Variants in DHRSX observed in about 807,000 individuals in gnomAD.
DHRSX encodes dehydrogenase/reductase X-linked, also known as polyprenol dehydrogenase.
DHRSX carries 31 observed loss-of-function variants against 34.0 expected under a neutral mutation model. The ratio of observed to expected loss-of-function variants is 0.91; its 90% CI spans 0.69 to 1.23. The LOEUF (loss-of-function observed/expected upper bound fraction) is 1.23, where lower values mean the gene tolerates loss of function less well. Ranked by LOEUF, DHRSX falls within the 50% of genes most tolerant of loss-of-function variation. The pLI, the probability that DHRSX is intolerant of heterozygous loss-of-function variation, is 0.00. For missense variants in DHRSX, 414 were observed against 428.1 expected (o/e 0.97, Z 0.29); for synonymous variants, 201 against 183.8 (o/e 1.09, Z -0.76).
intron 3 of DHRSX, among the ~76,000 whole-genome samples, chrX:2,299,340 T>C (rs2041983795): frequency 6.6e-6 from 1 of 152,124 alleles, no homozygotes; most frequent in Non-Finnish European, 1.5e-5. Flanking sequence ...GACAGTATCA[T>C]ATGAAGACAG....
chrX:2,246,334 A>G (rs1293873489), intron 5 of DHRSX, among the ~76,000 whole-genome samples: 2 of 152,044 alleles, frequency 1.3e-5, no homozygotes, highest in Non-Finnish European at 2.9e-5. Flanking sequence ...TAAGAATACA[A>G]TATTGAGGGC....
intron 2 of DHRSX, among the ~76,000 whole-genome samples, chrX:2,418,304 C>T (rs189504076): frequency 2.0e-4 from 30 of 152,158 alleles, no homozygotes; most frequent in East Asian, 1.4e-3. Flanking sequence ...CCAAAGGAGA[C>T]GTTATCATGA....
intron 4 of DHRSX, among the ~76,000 whole-genome samples, chrX:2,268,460 G>A (rs759427825): frequency 6.6e-6 from 1 of 152,330 alleles, no homozygotes; most frequent in South Asian, 2.1e-4. Context: ...ATACGCATTT[G>A]TAAATGTGTT....
intron 6 of DHRSX, among the ~76,000 whole-genome samples, chrX:2,237,603 C>G (rs1213774063): frequency 6.6e-6 from 1 of 151,720 alleles, no homozygotes; most frequent in Non-Finnish European, 1.5e-5. Flanking sequence ...CCCCCGGGTT[C>G]AAGCGATTCT....
chrX:2,244,932 G>A (rs1179151557), intron 5 of DHRSX, among the ~76,000 whole-genome samples: 3 of 151,840 alleles, frequency 2.0e-5, no homozygotes, highest in Admixed American at 6.6e-5. Flanking sequence ...GGATGGTCTC[G>A]ATCTCCTGAC....
chrX:2,285,585 G>A (rs2041795103), intron 4 of DHRSX, among the ~76,000 whole-genome samples: 2 of 152,146 alleles, frequency 1.3e-5, no homozygotes, highest in Non-Finnish European at 2.9e-5. Context: ...ACCTTCTGCT[G>A]TGCGGCCGGT....
At chrX:2,245,574 T>C (rs2016258025) in intron 5 of DHRSX, among the ~76,000 whole-genome samples, 1 of 149,870 alleles carries the variant, frequency 6.7e-6, no homozygotes, top group Admixed American at 6.7e-5. Context: ...CCTCCCAAAG[T>C]GCTGGGATTA....
intron 1 of DHRSX, among the ~76,000 whole-genome samples, chrX:2,429,047 G>A (rs2317173): frequency 0.54 from 81,483 of 151,838 alleles, 22,768 homozygotes; most frequent in East Asian, 0.93. Flanking sequence ...TCGATGAAAA[G>A]GTATGTTCAC....
intron 3 of DHRSX, among the ~76,000 whole-genome samples, chrX:2,365,142 A>G (rs770555174): frequency 6.6e-6 from 1 of 152,350 alleles, no homozygotes; most frequent in Non-Finnish European, 1.5e-5. Context: ...AAAAGAAACT[A>G]TCATCAGAGC....
chrX:2,337,024 T>C (rs1463002909), intron 3 of DHRSX, among the ~76,000 whole-genome samples: 1 of 152,096 alleles, frequency 6.6e-6, no homozygotes, highest in Non-Finnish European at 1.5e-5. Flanking sequence ...CAGGCTGGTC[T>C]TGAACTCCTG....
At chrX:2,291,702 A>C in intron 3 of DHRSX, 99 bp from the exon 4 acceptor site, 1 of 843,780 alleles carries the variant, frequency 1.2e-6, no homozygotes, top group Non-Finnish European at 1.9e-6. Flanking sequence ...TCATCTAGGA[A>C]GTAACACTTT....
intron 1 of DHRSX, among the ~76,000 whole-genome samples, chrX:2,434,453 G>A (rs1468007626): frequency 6.6e-6 from 1 of 152,138 alleles, no homozygotes; most frequent in African/African-American, 2.4e-5. Context: ...AGGATCAGCG[G>A]AGGCTAGGAG....
chrX:2,396,458 A>T (rs2043412295), intron 3 of DHRSX, among the ~76,000 whole-genome samples: 1 of 143,250 alleles, frequency 7.0e-6, no homozygotes, highest in South Asian at 2.2e-4. Flanking sequence ...GCTCACTGCA[A>T]CCTCAGCCTC....
chrX:2,244,389 T>C (rs1406348934), intron 5 of DHRSX, among the ~76,000 whole-genome samples: 1 of 152,144 alleles, frequency 6.6e-6, no homozygotes, highest in Non-Finnish European at 1.5e-5. Flanking sequence ...ATGTTCTACT[T>C]TTTCTATGTA....
intron 4 of DHRSX, among the ~76,000 whole-genome samples, chrX:2,267,863 T>C (rs1265445510): frequency 6.6e-6 from 1 of 151,714 alleles, no homozygotes; most frequent in Non-Finnish European, 1.5e-5. Context: ...GGGAGGATTG[T>C]TTGAGCCCAA....
At chrX:2,283,657 G>A (rs757327234) in intron 4 of DHRSX, among the ~76,000 whole-genome samples, 1 of 152,234 alleles carries the variant, frequency 6.6e-6, no homozygotes, top group African/African-American at 2.4e-5. Context: ...GCACACCTGG[G>A]CTTCCCCGAA....
At chrX:2,469,169 G>A (rs1489522813) in intron 1 of DHRSX, among the ~76,000 whole-genome samples, 5 of 151,842 alleles carry the variant, frequency 3.3e-5, no homozygotes, top group South Asian at 2.1e-4. Flanking sequence ...CACCGAAGAC[G>A]TTCCCTAAGA....
chrX:2,327,308 A>T lies in DHRSX; in HGVS notation c.287-35705T>A, dbSNP rs1298468216. On this transcript the variant is annotated intron_variant, in intron 3 of 6. Coordinates refer to ENST00000334651, the MANE Select transcript of DHRSX (RefSeq NM_145177.3). ...TACTGAAGCAAGTAAGGGAAGCCTG[A>T]CTGTGGACATGCTCTCTGTCTCTTA... is the stretch of plus-strand genomic sequence containing the variant. Among the ~76,000 whole-genome samples, 3 of 152,328 alleles carry T rather than the reference A, an allele frequency of 2.0e-5. No individual in the cohort carries two copies. The East Asian group carries it at 5.8e-4, about 29-fold the overall frequency.
intron 3 of DHRSX, among the ~76,000 whole-genome samples, chrX:2,381,299 C>T (rs944877173): frequency 6.6e-6 from 1 of 152,154 alleles, no homozygotes; most frequent in Non-Finnish European, 1.5e-5. Flanking sequence ...CCCCAGAGAG[C>T]TCCCTCGACC....
Sources: allele counts gnomAD v4.1 joint callset (sites outside exome capture counted in the v4.1 genomes callset), GRCh38; gene constraint gnomAD v4.1.1; transcripts MANE v1.5; gene names NCBI Gene and HGNC (gene_info 2026-07-23, HGNC 2026-07-21).